TMEM266: variants seen among roughly 807,000 people sequenced by gnomAD.
TMEM266 encodes transmembrane protein 266, also known as Hv1 related protein 1.
In TMEM266, 33 loss-of-function variants were observed where a neutral mutation model predicts 50.5. The ratio of observed to expected loss-of-function variants is 0.65; its 90% CI spans 0.50 to 0.87. TMEM266 has a LOEUF of 0.87. Among genes scored for constraint, TMEM266 ranks in the 40% least tolerant of loss-of-function variants. The pLI is 0.00. For synonymous variants in TMEM266, 310 were observed against 292.3 expected, an observed-to-expected ratio of 1.06 and a Z score of -0.62; for missense variants, 655 against 695.1, an observed-to-expected ratio of 0.94 and a Z score of 0.65.
At chr15:76,073,913 G>T (rs532279799) in intron 1 of TMEM266, among the ~76,000 whole-genome samples, 1 of 152,308 alleles carries the variant, frequency 6.6e-6, no homozygotes, top group South Asian at 2.1e-4. Flanking sequence ...TTGTGGAGAT[G>T]AGGCCGTTGA....
intron 8 of TMEM266, chr15:76,191,497 C>CG (rs2038567596): frequency 6.5e-6 from 1 of 153,342 alleles, no homozygotes; most frequent in Admixed American, 6.5e-5. Flanking sequence ...GTGTTCAGAC[C>CG]AGCGGGCAGT....
chr15:76,169,467 A>G (rs987432649), intron 5 of TMEM266, among the ~76,000 whole-genome samples: 18 of 152,134 alleles, frequency 1.2e-4, no homozygotes, highest in African/African-American at 3.1e-4. Context: ...AAGATGACAC[A>G]GGAGAGGCAG....
chr15:76,099,467 C>G (rs2036967685), intron 1 of TMEM266, among the ~76,000 whole-genome samples: 1 of 152,234 alleles, frequency 6.6e-6, no homozygotes, highest in Non-Finnish European at 1.5e-5. Context: ...GCAGAAATCA[C>G]CCATCTTCTG....
chr15:76,178,205 T>C (rs1345061159), intron 8 of TMEM266, among the ~76,000 whole-genome samples: 1 of 151,424 alleles, frequency 6.6e-6, no homozygotes, highest in Admixed American at 6.6e-5. Context: ...CAGATGTGAG[T>C]TGTTGATGGA....
intron 3 of TMEM266, among the ~76,000 whole-genome samples, chr15:76,141,115 C>G (rs2037669487): frequency 1.3e-5 from 2 of 152,316 alleles, no homozygotes; most frequent in South Asian, 2.1e-4. Flanking sequence ...GCTGGCAGCA[C>G]TGGGCTTCCA....
At position 76,099,654 on chromosome 15, in the gene TMEM266, G is replaced by T. The variant is rs116636630; in HGVS notation, c.-96-34514G>T. ...ATGGAAGCATTGAGATTGGCACCCT[G>T]GTTGTCAGGCCCCAGAATGTACGGG... On this transcript the variant is annotated intron_variant, in intron 1 of 10. Transcript: ENST00000388942. Among the ~76,000 whole-genome samples the T allele has an allele frequency of 7.3e-3, 1,116 of 152,300 alleles. 18 individuals are homozygous for T. Among genetic ancestry groups the T allele is most frequent in the African/African-American group, 0.025 (1,029 of 41,552 alleles).
intron 1 of TMEM266, among the ~76,000 whole-genome samples, chr15:76,086,048 CAAAAGAAAAAAAAA>C (rs2036771958): frequency 2.2e-5 from 2 of 90,202 alleles, no homozygotes; most frequent in South Asian, 6.1e-4. Context: ...AACTCCATTT[CAAAAGAAAAAAAAA>C]AAAAGAAAAA....
chr15:76,062,959 T>G (rs2036332410), intron 1 of TMEM266, among the ~76,000 whole-genome samples: 2 of 152,218 alleles, frequency 1.3e-5, no homozygotes, highest in Non-Finnish European at 2.9e-5. Flanking sequence ...AATATTTTAG[T>G]ACATTGTTGA....
intron 1 of TMEM266, among the ~76,000 whole-genome samples, chr15:76,118,996 T>C (rs1156310940): frequency 6.6e-6 from 1 of 152,090 alleles, no homozygotes; most frequent in Non-Finnish European, 1.5e-5. Flanking sequence ...CTGCCAACAA[T>C]TTAACCCTCG....
intron 1 of TMEM266, among the ~76,000 whole-genome samples, chr15:76,089,180 T>A (rs2036815133): frequency 6.6e-6 from 1 of 151,274 alleles, no homozygotes; most frequent in Admixed American, 6.6e-5. Context: ...GGCCGTGATC[T>A]TCAGAAGTTT....
chr15:76,117,338 C>T (rs890022737), intron 1 of TMEM266, among the ~76,000 whole-genome samples: 1 of 152,074 alleles, frequency 6.6e-6, no homozygotes, highest in African/African-American at 2.4e-5. Context: ...TGCCGTACCA[C>T]CATGTATACC....
chr15:76,125,674 C>T (rs2037409892), intron 1 of TMEM266, among the ~76,000 whole-genome samples: 1 of 151,860 alleles, frequency 6.6e-6, no homozygotes, highest in African/African-American at 2.4e-5. Context: ...ATGGCGAAAC[C>T]CCATCTCTAC....
At chr15:76,069,567 CCAG>C (rs1188996712) in intron 1 of TMEM266, among the ~76,000 whole-genome samples, 1 of 152,092 alleles carries the variant, frequency 6.6e-6, no homozygotes, top group Non-Finnish European at 1.5e-5. Flanking sequence ...ACCTGTAATC[CCAG>C]CATTTTGGGA....
intron 8 of TMEM266, among the ~76,000 whole-genome samples, chr15:76,191,166 C>T (rs1211401606): frequency 6.6e-6 from 1 of 152,230 alleles, no homozygotes; most frequent in East Asian, 1.9e-4. Flanking sequence ...GCCTGGCCAC[C>T]CTATTGTTCA....
chr15:76,150,418 G>A (rs1004800644), intron 3 of TMEM266, among the ~76,000 whole-genome samples: 1 of 152,196 alleles, frequency 6.6e-6, no homozygotes, highest in African/African-American at 2.4e-5. Flanking sequence ...AAGTAGGGCC[G>A]ACAGGGTTAG....
At chr15:76,147,605 C>T (rs775797492) in intron 3 of TMEM266, among the ~76,000 whole-genome samples, 4 of 152,194 alleles carry the variant, frequency 2.6e-5, no homozygotes, top group Non-Finnish European at 5.9e-5. Context: ...GCTCCGGTTT[C>T]AAGGAGAATT....
chr15:76,074,976 A>G (rs2036585329), intron 1 of TMEM266, among the ~76,000 whole-genome samples: 1 of 152,106 alleles, frequency 6.6e-6, no homozygotes, highest in Admixed American at 6.5e-5. Flanking sequence ...GGCCTGAACA[A>G]TTGGAGGGAT....
At chr15:76,105,778 A>T (rs2037070817) in intron 1 of TMEM266, among the ~76,000 whole-genome samples, 1 of 152,188 alleles carries the variant, frequency 6.6e-6, no homozygotes, top group African/African-American at 2.4e-5. Flanking sequence ...GGCTCAGGAA[A>T]TGTTTGAATG....
In TMEM266 at chr15:76,168,464, A is replaced by T. The variant is rs1287071631; in HGVS notation, c.457-1352A>T. Reference sequence around the variant, plus strand: ...GGCTTGTACTACAGGCATGCGGGAGAGGGGCACCATCTGGTGTGAATCACC... The same window carrying T: ...GGCTTGTACTACAGGCATGCGGGAGTGGGGCACCATCTGGTGTGAATCACC... On this transcript the variant is annotated intron_variant, in intron 5 of 10. Coordinates refer to ENST00000388942, the MANE Select transcript of TMEM266 (RefSeq NM_152335.3). This position sits in a 1 kb window ranked among gnomAD's most constrained non-coding sequence, Gnocchi z 4.4. Among the ~76,000 whole-genome samples the T allele has an allele frequency of 6.6e-5, 10 of 152,148 alleles. No individual in the cohort carries two copies. Among genetic ancestry groups the T allele is most frequent in the Admixed American group, 6.5e-4 (10 of 15,272 alleles).
Sources: gnomAD v4.1 joint callset for allele counts (sites outside exome capture counted in the v4.1 genomes callset) on GRCh38, gnomAD v4.1.1 for gene constraint, Gnocchi (gnomAD v3.1) non-coding constraint, MANE v1.5 for transcripts, NCBI Gene and HGNC (gene_info 2026-07-23, HGNC 2026-07-21) for gene names.